CTSD: variants seen among roughly 807,000 people sequenced by gnomAD.
CTSD encodes the protein cathepsin D.
CTSD carries 28 observed loss-of-function variants against 43.6 expected under a neutral mutation model. The ratio of observed to expected loss-of-function variants is 0.64; its 90% CI spans 0.48 to 0.88. The LOEUF is 0.88. CTSD is among the 40% of genes least tolerant of loss of function. The probability of loss-of-function intolerance (pLI) is 0.00; values close to 1 mark genes in which losing one functional copy is unlikely to be tolerated. For missense variants in CTSD, 485 were observed against 555.2 expected (o/e 0.87, Z 1.27); for synonymous variants, 270 against 249.8 (o/e 1.08, Z -0.76).
chr11:1,761,239 T>C, intron 2 of CTSD, 70 bp downstream of exon 2: 1 of 1,565,106 alleles, frequency 6.4e-7, no homozygotes, highest in East Asian at 2.2e-5. Context: ...GGTGGGAATG[T>C]TCCCCATACT....
intron 6 of CTSD, 48 bp downstream of exon 6, chr11:1,754,858 C>T (rs201841418): frequency 2.7e-4 from 430 of 1,612,074 alleles, no homozygotes; most frequent in Middle Eastern, 8.3e-4. Flanking sequence ...CTCCGCACAC[C>T]GCCCCCGCCC....
At chr11:1,761,271 T>G (rs749656654) in intron 2 of CTSD, 38 bp downstream of exon 2, 4 of 1,609,704 alleles carry the variant, frequency 2.5e-6, no homozygotes, top group African/African-American at 1.3e-5. Flanking sequence ...CTCCTGACAG[T>G]GGCTCCGCTT....
intron 1 of CTSD, chr11:1,762,942 A>T (rs1845900303): frequency 6.6e-6 from 1 of 152,494 alleles, no homozygotes; most frequent in Admixed American, 6.5e-5. Flanking sequence ...AAGGCAGTGG[A>T]CCCATCGCAG....
intron 3 of CTSD, 89 bp from the exon 4 acceptor site, chr11:1,759,176 G>A: frequency 9.3e-7 from 1 of 1,080,528 alleles, no homozygotes; most frequent in Non-Finnish European, 1.4e-6. Context: ...CTACCATGGA[G>A]CCCGCACCCC....
intron 1 of CTSD, 80 bp downstream of exon 1, chr11:1,763,712 G>A: frequency 7.6e-7 from 1 of 1,319,830 alleles, no homozygotes; most frequent in Non-Finnish European, 1.0e-6. Flanking sequence ...CCACAGGGGA[G>A]CGCGAAAGTC....
chr11:1,761,725 C>T (rs1295824459), intron 1 of CTSD: 4 of 560,680 alleles, frequency 7.1e-6, no homozygotes, highest in African/African-American at 1.9e-5. Flanking sequence ...CCCCACACAC[C>T]CAACCTGGGG....
intron 5 of CTSD, 28 bp from the exon 6 acceptor site, chr11:1,755,056 C>T: frequency 3.7e-6 from 6 of 1,613,068 alleles, no homozygotes; most frequent in Non-Finnish European, 5.1e-6. Flanking sequence ...GAGTCAGCTG[C>T]CACGCCACCC....
intron 3 of CTSD, 118 bp from the exon 4 acceptor site, chr11:1,759,205 G>T (rs1342102857): frequency 2.1e-6 from 2 of 957,536 alleles, no homozygotes; most frequent in Non-Finnish European, 3.4e-6. Flanking sequence ...CCTCCCCAGG[G>T]TGGGATTTGG....
At chr11:1,761,795 T>C in intron 1 of CTSD, 2 of 432,094 alleles carry the variant, frequency 4.6e-6, no homozygotes, top group Non-Finnish European at 8.7e-6. Flanking sequence ...CCCCCAAGGG[T>C]CTCCCGTCCT....
rs767282477 is a variant in CTSD at position 1,757,454 on chromosome 11, C to A, written c.574G>T (p.Ala192Ser). The change falls in exon 5 of 9, where the codon GCA (alanine) becomes TCA (serine). Residue 192 changes from alanine to serine, a missense_variant. By Grantham distance (99) the Ala-to-Ser change is moderately conservative (BLOSUM62 1). Coordinates refer to ENST00000236671, the MANE Select transcript of CTSD (RefSeq NM_001909.5). ...ATKQPGITFI[A>S]AKFDGILGMA... ...CCCAGGATGCCATCGAACTTGGCTG[C>A]GATGAAGGTGATGCCTGGCTGCTTG... 5.6e-6 allele frequency: 9 copies of A among 1,614,098 alleles called. No homozygotes were observed. The South Asian group carries it at 9.9e-5, about 18-fold the overall frequency.
chr11:1,754,909 T>TC lies in CTSD; in HGVS notation c.823dup (p.Asp275GlyfsTer17). ...GCCGACTGCAGCCACTACTCACTGG[T>TC]CCAGGTGGACCTGCCAGTAGGCCTT... On this transcript the variant is annotated frameshift_variant, in exon 6 of 9. Transcript: ENST00000236671. LOFTEE classifies it high-confidence loss of function. The TC allele has an allele frequency of 2.5e-6, 4 of 1,613,734 alleles. No individual in the cohort carries two copies. The highest frequency in any genetic ancestry group is 3.4e-6 in the Non-Finnish European group (4 of 1,179,858).
chr11:1,759,475 A>C, intron 3 of CTSD, 41 bp downstream of exon 3: 1 of 1,611,526 alleles, frequency 6.2e-7, no homozygotes, highest in Non-Finnish European at 8.5e-7. Context: ...ACATCCCGGA[A>C]GGGCAGGACC....
chr11:1,754,354 G>A (rs1565019160), intron 6 of CTSD: 3 of 611,386 alleles, frequency 4.9e-6, no homozygotes, highest in South Asian at 1.9e-5. Flanking sequence ...GTGGTGAGGG[G>A]CATGGAGGGA....
At chr11:1,756,925 C>T (rs765390530) in intron 5 of CTSD, among the ~76,000 whole-genome samples, 4 of 152,220 alleles carry the variant, frequency 2.6e-5, no homozygotes, top group Non-Finnish European at 5.9e-5. Flanking sequence ...CACCATGACC[C>T]TCTCCACCAT....
At chr11:1,754,538 T>TGGAGGGATGGAGGGGAG (rs2133659183) in intron 6 of CTSD, among the ~76,000 whole-genome samples, 5 of 38,628 alleles carry the variant, frequency 1.3e-4, no homozygotes, top group Non-Finnish European at 2.1e-4. Flanking sequence ...GATGGAGGGA[T>TGGAGGGATGGAGGGGAG]GGAGGGATGG....
chr11:1,763,312 G>A (rs780609549), intron 1 of CTSD, among the ~76,000 whole-genome samples: 9 of 152,216 alleles, frequency 5.9e-5, no homozygotes, highest in Non-Finnish European at 1.3e-4. Context: ...CAGGGCCTGT[G>A]ATAAGAGCCG....
Position 1,753,280 on chromosome 11 carries a change from C to T in CTSD, c.*223G>A. The T allele has an allele frequency of 1.6e-6, 1 of 621,898 alleles. No individual in the cohort carries two copies. Among genetic ancestry groups the T allele is most frequent in the Non-Finnish European group, 2.9e-6 (1 of 346,642 alleles). The allele number at this position is 621,898 out of a possible 1,614,324, so 38.5% of individuals were successfully genotyped here. On this transcript the variant is annotated 3_prime_UTR_variant, in exon 9 of 9. Coordinates refer to ENST00000236671, the MANE Select transcript of CTSD (RefSeq NM_001909.5). ...GTGCTCTGGATCAGCTCTACCCCCACCAAACAGATGGAGAGACAGACAGGC... is the reference window on the plus strand; with the variant it reads ...GTGCTCTGGATCAGCTCTACCCCCATCAAACAGATGGAGAGACAGACAGGC...
Position 1,754,965 on chromosome 11 carries a change from C to T in CTSD, c.768G>A (p.Lys256=), listed in dbSNP as rs1442118770. 3 of 1,613,918 alleles carry T rather than the reference C, an allele frequency of 1.9e-6. No homozygotes were observed. Among genetic ancestry groups the T allele is most frequent in the Non-Finnish European group, 2.5e-6 (3 of 1,179,888 alleles). ...MLGGTDSKYY[K]GSLSYLNVTR... ...TGACATTCAGGTAGGACAGAGAACC[C>T]TTGTAATACTTGGAGTCTGTGCCAC... The change falls in exon 6 of 9, where the codon AAG becomes AAA. Residue 256 remains lysine (K), a synonymous_variant. Coordinates refer to ENST00000236671, the MANE Select transcript of CTSD (RefSeq NM_001909.5).
chr11:1,755,715 C>A (rs535992869), intron 5 of CTSD, among the ~76,000 whole-genome samples: 246 of 152,298 alleles, frequency 1.6e-3, no homozygotes, highest in Middle Eastern at 3.4e-3. Context: ...GTTCTGCCAT[C>A]CCGCCAGAGC....
Sources: gnomAD v4.1 joint callset for allele counts (sites outside exome capture counted in the v4.1 genomes callset) on GRCh38, gnomAD v4.1.1 for gene constraint, MANE v1.5 for transcripts, NCBI Gene and HGNC (gene_info 2026-07-23, HGNC 2026-07-21) for gene names.